Variants in FBLN5 observed in about 807,000 individuals in gnomAD.
The protein encoded by FBLN5 is fibulin 5.
Under a neutral mutation model 61.6 loss-of-function variants are expected in FBLN5, and 24 were observed. That is an observed-to-expected ratio of 0.39 (90% confidence interval 0.28 to 0.55). The LOEUF (loss-of-function observed/expected upper bound fraction) is 0.55, where lower values mean the gene tolerates loss of function less well. FBLN5 is among the 20% of genes least tolerant of loss of function. The pLI is 0.65. For synonymous variants in FBLN5, 213 were observed against 219.8 expected (o/e 0.97, Z 0.27); for missense variants, 470 against 594.1 (o/e 0.79, Z 2.17).
intron 4 of FBLN5, among the ~76,000 whole-genome samples, chr14:91,908,814 A>C (rs1311199123): frequency 2.0e-5 from 3 of 152,174 alleles, no homozygotes; most frequent in Non-Finnish European, 2.9e-5. Flanking sequence ...GACCTAGCCC[A>C]ATGGTGTACA....
intron 4 of FBLN5, among the ~76,000 whole-genome samples, chr14:91,897,832 T>G (rs1037237184): frequency 3.9e-5 from 6 of 152,170 alleles, no homozygotes; most frequent in African/African-American, 1.4e-4. Context: ...TAAGATTGCT[T>G]GAGTCCAGGA....
chr14:91,887,908 G>A (rs1288401314), intron 6 of FBLN5, among the ~76,000 whole-genome samples: 2 of 152,108 alleles, frequency 1.3e-5, no homozygotes, highest in East Asian at 3.9e-4. Flanking sequence ...TCTTGAGTGT[G>A]GTGGTGGTGG....
intron 4 of FBLN5, among the ~76,000 whole-genome samples, chr14:91,897,659 G>A (rs1006712936): frequency 1.3e-5 from 2 of 152,236 alleles, no homozygotes; most frequent in Non-Finnish European, 2.9e-5. Context: ...GGGCACAAAG[G>A]GCCCCATCGT....
At chr14:91,925,205 T>C (rs1447667061) in intron 4 of FBLN5, among the ~76,000 whole-genome samples, 1 of 152,216 alleles carries the variant, frequency 6.6e-6, no homozygotes, top group African/African-American at 2.4e-5. Context: ...CCCCAAGTAT[T>C]CTGCTTCCCC....
At chr14:91,909,144 C>T (rs1890810763) in intron 4 of FBLN5, among the ~76,000 whole-genome samples, 1 of 152,100 alleles carries the variant, frequency 6.6e-6, no homozygotes. Context: ...GTCTCAATCT[C>T]CTGACCTCGT....
intron 4 of FBLN5, among the ~76,000 whole-genome samples, chr14:91,935,327 G>A (rs765211347): frequency 6.6e-5 from 10 of 152,332 alleles, no homozygotes; most frequent in South Asian, 2.1e-4. Flanking sequence ...AAAGGAGGCC[G>A]CTGAGCTTGC....
chr14:91,877,806 G>A (rs1235175045), intron 9 of FBLN5, 124 bp from the exon 10 acceptor site: 2 of 758,574 alleles, frequency 2.6e-6, no homozygotes, highest in African/African-American at 1.7e-5. Context: ...TGCCATAACT[G>A]TAGAATGTCT....
At chr14:91,922,509 G>A (rs890594257) in intron 4 of FBLN5, among the ~76,000 whole-genome samples, 2 of 152,078 alleles carry the variant, frequency 1.3e-5, no homozygotes, top group African/African-American at 4.8e-5. Flanking sequence ...GTAACCGCAG[G>A]ACCCAGCCTC....
intron 9 of FBLN5, 118 bp downstream of exon 9, chr14:91,881,174 G>T (rs1418153568): frequency 4.8e-6 from 5 of 1,044,932 alleles, no homozygotes; most frequent in African/African-American, 4.7e-5. Context: ...CATGACGTAG[G>T]TAGTAGGCCA....
chr14:91,888,172 G>A (rs1021934725), intron 6 of FBLN5, among the ~76,000 whole-genome samples: 4 of 152,012 alleles, frequency 2.6e-5, no homozygotes, highest in East Asian at 1.9e-4. Context: ...TGTGGCACAC[G>A]CCTGAGGTCC....
At chr14:91,878,050 C>CAA in intron 9 of FBLN5, 1 of 408,236 alleles carries the variant, frequency 2.4e-6, no homozygotes, top group Non-Finnish European at 4.7e-6. Context: ...AAAAACAAAA[C>CAA]AAAAAAAAAG....
rs188385053 is a variant in FBLN5, at chr14:91,897,894, C to T, written c.380-2822G>A. On this transcript the variant is annotated intron_variant, in intron 4 of 10. Transcript: ENST00000342058. ...CAAAACCCTGTTTCTACTAAAAATA[C>T]AAAAAATTAATCGGGTGTGGTGGCG... 1.4e-3 allele frequency among the ~76,000 whole-genome samples: 207 copies of T among 152,072 alleles called. 2 individuals are homozygous for T. Among genetic ancestry groups the T allele is most frequent in the Non-Finnish European group, 1.9e-4 (13 of 67,962 alleles).
chr14:91,870,412 T>C, intron 10 of FBLN5, 27 bp from the exon 11 acceptor site: 2 of 1,612,400 alleles, frequency 1.2e-6, no homozygotes, highest in Non-Finnish European at 1.7e-6. Context: ...GGAACACCAG[T>C]GAGAAAAGGC....
Position 91,937,111 on chromosome 14 carries a change from G to T in FBLN5, c.215C>A (p.Thr72Lys), listed in dbSNP as rs757697110. ...QNGGYLCIPRTNPVYRGPYSN... is the reference protein window; with the variant it reads ...QNGGYLCIPRKNPVYRGPYSN... ...GTAGGGCCCTCGATACACAGGGTTT[G>T]TCCGGGGAATGCATAAATACCCGCC... The change falls in exon 4 of 11, where the codon ACA becomes AAA. Residue 72 changes from threonine to lysine, a missense_variant. Thr to Lys is a moderately conservative substitution (Grantham distance 78, BLOSUM62 -1). Transcript: ENST00000342058. 1 of 1,613,978 alleles carries T rather than the reference G, an allele frequency of 6.2e-7. No individual in the cohort carries two copies. The highest frequency in any genetic ancestry group is 8.5e-7 in the Non-Finnish European group (1 of 1,180,032).
At chr14:91,928,791 G>C (rs571585391) in intron 4 of FBLN5, among the ~76,000 whole-genome samples, 1 of 151,978 alleles carries the variant, frequency 6.6e-6, no homozygotes, top group Non-Finnish European at 1.5e-5. Context: ...GGGCGCAGTG[G>C]CTCACACCTG....
At chr14:91,890,846 C>G (rs1176237883) in intron 6 of FBLN5, among the ~76,000 whole-genome samples, 4 of 151,394 alleles carry the variant, frequency 2.6e-5, no homozygotes, top group Admixed American at 2.6e-4. Flanking sequence ...GGGACCCTGA[C>G]CAACCCTCCT....
At chr14:91,898,781 A>G (rs113893721) in intron 4 of FBLN5, among the ~76,000 whole-genome samples, 1,688 of 139,282 alleles carry the variant, frequency 0.012, 44 homozygotes, top group African/African-American at 0.043. Flanking sequence ...TTGCTCACTC[A>G]TTCATTCATT....
chr14:91,937,866 T>C (rs1452598526), intron 3 of FBLN5, among the ~76,000 whole-genome samples: 1 of 152,194 alleles, frequency 6.6e-6, no homozygotes. Flanking sequence ...ACCTGTACTA[T>C]CATTTGCACA....
At chr14:91,920,423 T>C (rs2055713909) in intron 4 of FBLN5, among the ~76,000 whole-genome samples, 1 of 152,198 alleles carries the variant, frequency 6.6e-6, no homozygotes. Context: ...AGATCATCCT[T>C]CAACCACGGA....
Sources: gnomAD v4.1 joint callset for allele counts (sites outside exome capture counted in the v4.1 genomes callset) on GRCh38, gnomAD v4.1.1 for gene constraint, MANE v1.5 for transcripts, NCBI Gene and HGNC (gene_info 2026-07-23, HGNC 2026-07-21) for gene names.